PPARGC1A: variants seen among roughly 807,000 people sequenced by gnomAD.
The protein encoded by PPARGC1A is PPARG coactivator 1 alpha, also known as peroxisome proliferator-activated receptor gamma coactivator 1-alpha.
A neutral mutation model predicts 88.7 loss-of-function variants in PPARGC1A; 25 were observed. The observed-to-expected ratio is 0.28, with a 90% CI of 0.21 to 0.39. PPARGC1A has a LOEUF of 0.39. Ranked by LOEUF, PPARGC1A falls within the 10% of genes least tolerant of loss-of-function variation. The pLI, the probability that PPARGC1A is intolerant of heterozygous loss-of-function variation, is 1.00. For synonymous variants in PPARGC1A, 363 were observed against 355.6 expected, an observed-to-expected ratio of 1.02 and a Z score of -0.24; for missense variants, 880 against 968.7, an observed-to-expected ratio of 0.91 and a Z score of 1.22.
chr4:23,973,446 A>G, the PPARGC1A span, among the ~76,000 whole-genome samples: 1 of 152,334 alleles, frequency 6.6e-6, no homozygotes, highest in East Asian at 1.9e-4. Flanking sequence ...TGCCTTGCAA[A>G]GTTTTTGCTA....
the PPARGC1A span, among the ~76,000 whole-genome samples, chr4:24,039,330 G>C: frequency 1.3e-5 from 2 of 152,066 alleles, no homozygotes; most frequent in Non-Finnish European, 2.9e-5. Flanking sequence ...GCAAGGAGTT[G>C]AGGTTCTTAC....
chr4:23,801,289 T>C (rs1486973693), intron 12 of PPARGC1A, among the ~76,000 whole-genome samples: 1 of 151,690 alleles, frequency 6.6e-6, no homozygotes, highest in Non-Finnish European at 1.5e-5. Flanking sequence ...GCCACACACA[T>C]CTGCATAACA....
the PPARGC1A span, among the ~76,000 whole-genome samples, chr4:24,082,620 A>AT: frequency 1.3e-5 from 2 of 151,820 alleles, no homozygotes; most frequent in South Asian, 2.1e-4. Flanking sequence ...TTCTTTTGAC[A>AT]TTTTTTTTCA....
chr4:24,001,438 T>A, the PPARGC1A span, among the ~76,000 whole-genome samples: 1 of 152,196 alleles, frequency 6.6e-6, no homozygotes, highest in Admixed American at 6.5e-5. Flanking sequence ...CAAATGATTT[T>A]TTTTTCTCCT....
chr4:24,420,570 C>T, the PPARGC1A span, among the ~76,000 whole-genome samples: 3 of 152,096 alleles, frequency 2.0e-5, 1 homozygote, highest in African/African-American at 7.2e-5. Flanking sequence ...TTCCAAGTCA[C>T]AAAAGTCTTT....
At chr4:23,925,015 C>T in the PPARGC1A span, among the ~76,000 whole-genome samples, 2 of 152,168 alleles carry the variant, frequency 1.3e-5, no homozygotes, top group East Asian at 1.9e-4. Context: ...ACAATTAAAG[C>T]GTTTAGGAGA....
At chr4:24,455,246 T>A in the PPARGC1A span, among the ~76,000 whole-genome samples, 1 of 152,210 alleles carries the variant, frequency 6.6e-6, no homozygotes, top group African/African-American at 2.4e-5. Flanking sequence ...CTTGAGAGGC[T>A]GAAGTGGGAG....
At chr4:23,815,214 C>A (rs3755862) in intron 7 of PPARGC1A, among the ~76,000 whole-genome samples, 7 of 151,702 alleles carry the variant, frequency 4.6e-5, no homozygotes, top group Non-Finnish European at 1.0e-4. Context: ...CAGTGAAATA[C>A]GACAGCCGAA....
At chr4:24,183,338 A>AGC in the PPARGC1A span, among the ~76,000 whole-genome samples, 1 of 152,140 alleles carries the variant, frequency 6.6e-6, no homozygotes, top group South Asian at 2.1e-4. Flanking sequence ...GTTACCCACA[A>AGC]TCACTCTAGT....
the PPARGC1A span, among the ~76,000 whole-genome samples, chr4:23,956,827 A>G: frequency 6.6e-6 from 1 of 152,050 alleles, no homozygotes; most frequent in Non-Finnish European, 1.5e-5. Flanking sequence ...GTCTTGCACC[A>G]TTTCCTTATA....
At chr4:23,978,758 GA>G in the PPARGC1A span, among the ~76,000 whole-genome samples, 4 of 152,180 alleles carry the variant, frequency 2.6e-5, no homozygotes, top group Non-Finnish European at 5.9e-5. Flanking sequence ...AGCGACTGGG[GA>G]GGGGGAGAGT....
the PPARGC1A span, among the ~76,000 whole-genome samples, chr4:24,453,084 T>C: frequency 3.4e-4 from 52 of 152,238 alleles, no homozygotes; most frequent in African/African-American, 1.0e-3. Flanking sequence ...GGGGGAAATT[T>C]GAACACAGGC....
chr4:24,347,175 A>G, the PPARGC1A span, among the ~76,000 whole-genome samples: 53 of 152,170 alleles, frequency 3.5e-4, no homozygotes, highest in African/African-American at 1.2e-3. Context: ...GGCTTGTTTT[A>G]TGGCCTATCT....
chr4:24,415,966 T>C, the PPARGC1A span, among the ~76,000 whole-genome samples: 1 of 152,184 alleles, frequency 6.6e-6, no homozygotes, highest in Non-Finnish European at 1.5e-5. Flanking sequence ...TGTACATGAA[T>C]AGCTACAATG....
At chr4:24,423,905 C>T in the PPARGC1A span, among the ~76,000 whole-genome samples, 3 of 152,308 alleles carry the variant, frequency 2.0e-5, no homozygotes, top group African/African-American at 7.2e-5. Flanking sequence ...AAAATGGCGG[C>T]CATGATGGTG....
At chr4:24,247,903 G>C in the PPARGC1A span, among the ~76,000 whole-genome samples, 10 of 152,144 alleles carry the variant, frequency 6.6e-5, no homozygotes, top group Non-Finnish European at 1.0e-4. Context: ...TCTGTCAACA[G>C]CGTCCCCACT....
chr4:24,144,032 C>T, the PPARGC1A span, among the ~76,000 whole-genome samples: 1 of 152,206 alleles, frequency 6.6e-6, no homozygotes, highest in South Asian at 2.1e-4. Context: ...CCCTACTGGC[C>T]ACATGCTCTG....
intron 12 of PPARGC1A, among the ~76,000 whole-genome samples, 166 bp from the exon 13 acceptor site, chr4:23,796,091 T>TG (rs1717544934): frequency 6.6e-6 from 1 of 152,094 alleles, no homozygotes; most frequent in Non-Finnish European, 1.5e-5. Context: ...AGGAAGAGGA[T>TG]GGGGAGTAGT....
the PPARGC1A span, among the ~76,000 whole-genome samples, chr4:23,910,346 TATTATA>T: frequency 6.2e-5 from 4 of 64,060 alleles, no homozygotes; most frequent in African/African-American, 1.6e-4. Flanking sequence ...ATATATTATA[TATTATA>T]TATATTATAT....
Sources: gnomAD v4.1 joint callset for allele counts (sites outside exome capture counted in the v4.1 genomes callset) on GRCh38, gnomAD v4.1.1 for gene constraint, MANE v1.5 for transcripts, NCBI Gene and HGNC (gene_info 2026-07-23, HGNC 2026-07-21) for gene names.